OSBPL3: variants seen among roughly 807,000 people sequenced by gnomAD.
OSBPL3 encodes oxysterol-binding protein-related protein 3.
OSBPL3 carries 65 observed loss-of-function variants against 120.1 expected under a neutral mutation model. The observed-to-expected ratio is 0.54, with a 90% confidence interval of 0.44 to 0.67. The LOEUF is 0.67. Among genes scored for constraint, OSBPL3 ranks in the 30% least tolerant of loss-of-function variants. The pLI, the probability that OSBPL3 is intolerant of heterozygous loss-of-function variation, is 0.00. For synonymous variants in OSBPL3, 416 were observed against 402.6 expected, an observed-to-expected ratio of 1.03 and a Z score of -0.40; for missense variants, 1,004 against 1,082.1, an observed-to-expected ratio of 0.93 and a Z score of 1.01.
At chr7:24,954,218 T>C (rs1043411853) in intron 1 of OSBPL3, among the ~76,000 whole-genome samples, 1 of 152,142 alleles carries the variant, frequency 6.6e-6, no homozygotes, top group Non-Finnish European at 1.5e-5. Flanking sequence ...TCCAAACACT[T>C]TGGATTAATT....
At chr7:24,865,061 G>A (rs1451835082) in intron 7 of OSBPL3, among the ~76,000 whole-genome samples, 4 of 152,136 alleles carry the variant, frequency 2.6e-5, no homozygotes, top group African/African-American at 7.2e-5. Context: ...TCTGCCCTTG[G>A]AGACTGACTT....
rs1816567498 is a variant in OSBPL3 at position 24,967,871 on chromosome 7, C to G, written c.-150+12015G>C. On this transcript the variant is annotated intron_variant, in intron 1 of 22. Coordinates refer to ENST00000313367, the MANE Select transcript of OSBPL3 (RefSeq NM_015550.4). This position sits in a 1 kb window ranked among gnomAD's most constrained non-coding sequence, Gnocchi z 5.6. Reference sequence around the variant, plus strand: ...TTGCTGGACATGTCTGTGCTGATACCACCCATACACTTCAAGCTCAGCATA... The same window carrying G: ...TTGCTGGACATGTCTGTGCTGATACGACCCATACACTTCAAGCTCAGCATA... 6.6e-6 allele frequency among the ~76,000 whole-genome samples: 1 copy of G among 152,154 alleles called. No individual in the cohort carries two copies. The highest frequency in any genetic ancestry group is 2.4e-5 in the African/African-American group (1 of 41,416).
intron 12 of OSBPL3, 95 bp from the exon 13 acceptor site, chr7:24,842,508 G>A (rs917135566): frequency 5.3e-6 from 5 of 938,818 alleles, no homozygotes; most frequent in Non-Finnish European, 8.0e-6. Flanking sequence ...CAAGGTCACA[G>A]GCCCATGCAA....
rs1256300725 is a variant in OSBPL3 at position 24,873,229 on chromosome 7, C to T, written c.97-1160G>A. ...GAGATGGACAGTGAGTCTGAACCAG[C>T]ACCAGGGAGCAGGAGGCAGTTAGAT... On this transcript the variant is annotated intron_variant, in intron 2 of 22. Transcript: ENST00000313367. The surrounding 1 kb of genome is among the most constrained non-coding windows in gnomAD (Gnocchi z 4.1). Among the ~76,000 whole-genome samples, 2 of 152,174 alleles carry T rather than the reference C, an allele frequency of 1.3e-5. No individual in the cohort carries two copies. Among genetic ancestry groups the T allele is most frequent in the Non-Finnish European group, 2.9e-5 (2 of 68,028 alleles).
intron 1 of OSBPL3, among the ~76,000 whole-genome samples, chr7:24,976,916 G>A (rs569904145): frequency 5.3e-5 from 8 of 152,250 alleles, no homozygotes; most frequent in African/African-American, 1.9e-4. Flanking sequence ...CCCATCCTCT[G>A]TTTTGCCATG....
rs1254098292 is a variant in OSBPL3, at chr7:24,917,466, T to TAC, written c.-149-24846_-149-24845insGT. On this transcript the variant is annotated intron_variant, in intron 1 of 22. Transcript: ENST00000313367. ...ATATATACACACACATATATATATATATACACACACACACACACACACTTA... is the reference window on the plus strand; with the variant it reads ...ATATATACACACACATATATATATATACATACACACACACACACACACACTTA... 2.8e-4 allele frequency among the ~76,000 whole-genome samples: 34 copies of TAC among 121,194 alleles called. 2 individuals carry two copies. The highest frequency in any genetic ancestry group is 2.6e-3 in the East Asian group (8 of 3,042). The allele number at this position is 121,194 out of a possible 152,430, so 79.5% of individuals were successfully genotyped here.
chr7:24,844,556 C>T (rs1798169627), intron 12 of OSBPL3, among the ~76,000 whole-genome samples: 2 of 152,154 alleles, frequency 1.3e-5, no homozygotes, highest in South Asian at 4.1e-4. Context: ...ATAACAACCA[C>T]TACAAGCATT....
rs1383704605 is a variant in OSBPL3, at chr7:24,894,268, T to C, written c.-149-1647A>G. Among the ~76,000 whole-genome samples the C allele has an allele frequency of 1.3e-5, 2 of 152,200 alleles. No homozygotes were observed. Among genetic ancestry groups the C allele is most frequent in the Admixed American group, 1.3e-4 (2 of 15,286 alleles). ...CCAGAGCCATAGAGCTCAATTCCCA[T>C]GTTACTCTTAGGTAACTCCCCAAAT... On this transcript the variant is annotated intron_variant, in intron 1 of 22. Coordinates refer to ENST00000313367, the MANE Select transcript of OSBPL3 (RefSeq NM_015550.4). The surrounding 1 kb of genome is among the most constrained non-coding windows in gnomAD (Gnocchi z 4.1).
chr7:24,904,077 T>C (rs1465835456), intron 1 of OSBPL3, among the ~76,000 whole-genome samples: 2 of 152,000 alleles, frequency 1.3e-5, no homozygotes, highest in Non-Finnish European at 2.9e-5. Flanking sequence ...GAGATGGGGT[T>C]TCACCATGTT....
chr7:24,863,932 G>A lies in OSBPL3; in HGVS notation c.674-333C>T, dbSNP rs1009155873. ...CAAGAGAGTTGTGAGAATTAAATGA[G>A]TTGATATTGCACAGTTCTTAGAAGA... On this transcript the variant is annotated intron_variant, in intron 7 of 22. Coordinates refer to ENST00000313367, the MANE Select transcript of OSBPL3 (RefSeq NM_015550.4). The surrounding 1 kb of genome is among the most constrained non-coding windows in gnomAD (Gnocchi z 5.8). Among the ~76,000 whole-genome samples the A allele has an allele frequency of 6.6e-6, 1 of 152,166 alleles. No individual in the cohort carries two copies.
intron 20 of OSBPL3, among the ~76,000 whole-genome samples, chr7:24,809,350 A>C (rs989347816): frequency 2.0e-5 from 3 of 152,168 alleles, no homozygotes; most frequent in Non-Finnish European, 4.4e-5. Context: ...ACCCTTCTGG[A>C]ATCACAGGAG....
chr7:24,806,983 G>T lies in OSBPL3; in HGVS notation c.2318-81C>A. On this transcript the variant is annotated intron_variant, in intron 20 of 22. Transcript: ENST00000313367. The surrounding 1 kb of genome is among the most constrained non-coding windows in gnomAD (Gnocchi z 5.2). ...TAATTCCTTCACCTTTTTCGTCTCA[G>T]CCTAGCTACAATTTTTCTCTCTCAG... The T allele has an allele frequency of 7.7e-7, 1 of 1,294,008 alleles. No individual in the cohort carries two copies. The allele number at this position is 1,294,008 out of a possible 1,614,324, so 80.2% of individuals were successfully genotyped here.
intron 1 of OSBPL3, 144 bp from the exon 2 acceptor site, chr7:24,892,765 G>C: frequency 8.8e-5 from 32 of 362,792 alleles, no homozygotes; most frequent in Non-Finnish European, 1.3e-4. Context: ...AGGAAAAGAA[G>C]CTTTACACCA....
rs1562985558 is a variant in OSBPL3 at position 24,933,786 on chromosome 7, C to G, written c.-149-41165G>C. On this transcript the variant is annotated intron_variant, in intron 1 of 22. Transcript: ENST00000313367. This position sits in a 1 kb window ranked among gnomAD's most constrained non-coding sequence, Gnocchi z 5.1. ...GAGAAAAGCAAACCAATGGGTAATT[C>G]CCAAAGTTACTATCTGCTTTTGCTA... Among the ~76,000 whole-genome samples, 1 of 152,128 alleles carries G rather than the reference C, an allele frequency of 6.6e-6. No individual in the cohort carries two copies. Among genetic ancestry groups the G allele is most frequent in the Non-Finnish European group, 1.5e-5 (1 of 68,022 alleles).
At chr7:24,837,919 C>T (rs556906268) in intron 14 of OSBPL3, among the ~76,000 whole-genome samples, 2 of 152,306 alleles carry the variant, frequency 1.3e-5, no homozygotes, top group South Asian at 4.1e-4. Flanking sequence ...TGCCCAGCAA[C>T]ACTGTGGGGA....
At chr7:24,957,574 T>C (rs1815218573) in intron 1 of OSBPL3, among the ~76,000 whole-genome samples, 1 of 152,198 alleles carries the variant, frequency 6.6e-6, no homozygotes, top group African/African-American at 2.4e-5. Flanking sequence ...TAACAAAATA[T>C]AGTAAATGTA....
chr7:24,820,132 A>G lies in OSBPL3; in HGVS notation c.1948+43T>C, dbSNP rs1188099936. On this transcript the variant is annotated intron_variant, in intron 17 of 22. Transcript: ENST00000313367. The surrounding 1 kb of genome is among the most constrained non-coding windows in gnomAD (Gnocchi z 4.6). ...TTCTTGGATAAAATAAATAGATAACATATTACACAATATGATGGAAGTAAA... is the reference window on the plus strand; with the variant it reads ...TTCTTGGATAAAATAAATAGATAACGTATTACACAATATGATGGAAGTAAA... 5 of 1,292,750 alleles carry G rather than the reference A, an allele frequency of 3.9e-6. No homozygotes were observed. Among genetic ancestry groups the G allele is most frequent in the African/African-American group, 1.5e-5 (1 of 67,844 alleles). 80.1% of individuals were successfully genotyped at this position (1,292,750 alleles called of 1,614,324 possible). A position where few individuals can be genotyped will look rare whatever the true frequency, so the allele number is the denominator to read the frequency against.
intron 1 of OSBPL3, among the ~76,000 whole-genome samples, chr7:24,962,217 C>T (rs891369500): frequency 1.3e-4 from 19 of 151,756 alleles, no homozygotes; most frequent in Admixed American, 1.1e-3. Flanking sequence ...GCAGGAGAAT[C>T]GCTTGAACCT....
chr7:24,921,770 G>C (rs898758163), intron 1 of OSBPL3, among the ~76,000 whole-genome samples: 2 of 152,092 alleles, frequency 1.3e-5, no homozygotes, highest in East Asian at 3.9e-4. Context: ...TACTATCCCA[G>C]AGTTCTAACC....
Sources: allele counts gnomAD v4.1 joint callset (sites outside exome capture counted in the v4.1 genomes callset), GRCh38; gene constraint gnomAD v4.1.1; non-coding constraint Gnocchi (gnomAD v3.1); transcripts MANE v1.5; gene names NCBI Gene and HGNC (gene_info 2026-07-23, HGNC 2026-07-21).